The following PRKACB variants were observed in gnomAD, a reference collection of about 807,000 sequenced individuals.
The protein encoded by PRKACB is cAMP-dependent protein kinase catalytic subunit beta.
A neutral mutation model predicts 51.4 loss-of-function variants in PRKACB; 16 were observed. The observed-to-expected ratio is 0.31, with a 90% confidence interval of 0.21 to 0.47. The LOEUF is 0.47. PRKACB is among the 20% of genes least tolerant of loss of function. The pLI is 1.00. For synonymous variants in PRKACB, 147 were observed against 154.4 expected (o/e 0.95, Z 0.35); for missense variants, 309 against 464.5 (o/e 0.67, Z 3.08).
chr1:84,205,147 G>A, intron 8 of PRKACB: 1 of 982,446 alleles, frequency 1.0e-6, no homozygotes, highest in African/African-American at 1.7e-5. Context: ...CTCCCCATGT[G>A]GGATATAAAA....
Position 84,235,545 on chromosome 1 carries a change from T to G in PRKACB, c.*240T>G, listed in dbSNP as rs561017694. ...ACTAGACCACTTTCTTACTTCTCTT[T>G]GGGTTGTCTTTCTCCTCTCCTATAT... On this transcript the variant is annotated 3_prime_UTR_variant, in exon 10 of 10. Coordinates refer to ENST00000370685, the MANE Select transcript of PRKACB (RefSeq NM_182948.4). 2.4e-6 allele frequency: 1 copy of G among 416,244 alleles called. No homozygotes were observed. The highest frequency in any genetic ancestry group is 4.3e-6 in the Non-Finnish European group (1 of 234,596). The allele number at this position is 416,244 out of a possible 1,614,324, so 25.8% of individuals were successfully genotyped here.
At chr1:84,100,167 G>A (rs566478898) in intron 1 of PRKACB, among the ~76,000 whole-genome samples, 3 of 152,280 alleles carry the variant, frequency 2.0e-5, no homozygotes, top group Non-Finnish European at 2.9e-5. Context: ...AGGAGAGAGT[G>A]TGAGCACATG....
intron 1 of PRKACB, among the ~76,000 whole-genome samples, chr1:84,160,400 G>A (rs1656032160): frequency 6.6e-6 from 1 of 151,088 alleles, no homozygotes; most frequent in South Asian, 2.1e-4. Context: ...TGATATCATA[G>A]TTTCATTACT....
At chr1:84,221,689 G>A (rs764378170) in intron 9 of PRKACB, among the ~76,000 whole-genome samples, 25 of 151,976 alleles carry the variant, frequency 1.6e-4, no homozygotes, top group African/African-American at 5.8e-4. Context: ...TAGCCCAATA[G>A]TCATTCGGGA....
chr1:84,156,610 C>T (rs75752711), intron 1 of PRKACB, among the ~76,000 whole-genome samples: 5,774 of 152,232 alleles, frequency 0.038, 146 homozygotes, highest in Middle Eastern at 0.088. Flanking sequence ...TTCTTGAAAT[C>T]TAGTCCAGGG....
chr1:84,153,622 G>A (rs140820281), intron 1 of PRKACB, among the ~76,000 whole-genome samples: 2 of 152,140 alleles, frequency 1.3e-5, no homozygotes, highest in African/African-American at 4.8e-5. Context: ...CTACTTCTGC[G>A]ATTTTGATGT....
intron 5 of PRKACB, among the ~76,000 whole-genome samples, chr1:84,193,300 T>C (rs928316707): frequency 6.6e-6 from 1 of 152,132 alleles, no homozygotes; most frequent in East Asian, 1.9e-4. Flanking sequence ...ATGGGGGTAC[T>C]TCATGCTGTA....
At chr1:84,150,866 A>G (rs549902358) in intron 1 of PRKACB, among the ~76,000 whole-genome samples, 2 of 152,320 alleles carry the variant, frequency 1.3e-5, no homozygotes, top group East Asian at 1.9e-4. Context: ...TGTGAAAAAT[A>G]TGGATTTGAG....
chr1:84,147,525 A>G (rs1460226217), intron 1 of PRKACB, among the ~76,000 whole-genome samples: 1 of 152,000 alleles, frequency 6.6e-6, no homozygotes. Context: ...AGTATTTACT[A>G]TATCATAGTA....
At chr1:84,174,793 AGTT>A (rs1373196081) in intron 1 of PRKACB, among the ~76,000 whole-genome samples, 1 of 151,806 alleles carries the variant, frequency 6.6e-6, no homozygotes, top group East Asian at 1.9e-4. Context: ...AGTTTTTGTT[AGTT>A]GTTGTTTTAA....
intron 1 of PRKACB, chr1:84,178,707 A>G (rs981130108): frequency 6.6e-6 from 1 of 152,246 alleles, no homozygotes; most frequent in Non-Finnish European, 1.5e-5. Flanking sequence ...CACAAATCTA[A>G]TACATAACAT....
intron 9 of PRKACB, among the ~76,000 whole-genome samples, chr1:84,233,325 T>C (rs1223764607): frequency 7.9e-5 from 12 of 151,174 alleles, no homozygotes; most frequent in Non-Finnish European, 1.8e-4. Flanking sequence ...AACCTGACCT[T>C]TCTCTCTGGC....
chr1:84,078,175 C>G (rs1647238862), exon 1 of PRKACB: 1 of 806,062 alleles, frequency 1.2e-6, no homozygotes, highest in South Asian at 2.0e-5. Context: ...AGACCCGGCC[C>G]GGTCTTCGCG....
intron 8 of PRKACB, among the ~76,000 whole-genome samples, chr1:84,209,211 A>G (rs984970581): frequency 2.0e-5 from 3 of 152,134 alleles, no homozygotes; most frequent in Non-Finnish European, 2.9e-5. Flanking sequence ...ATCCAGTCTC[A>G]TGACTCAGGA....
At chr1:84,092,961 TAG>T (rs1398767448) in intron 1 of PRKACB, among the ~76,000 whole-genome samples, 1 of 152,008 alleles carries the variant, frequency 6.6e-6, no homozygotes, top group African/African-American at 2.4e-5. Context: ...AATTGATTTG[TAG>T]AGTTATTTAA....
chr1:84,134,358 C>T (rs1652576426), intron 1 of PRKACB, among the ~76,000 whole-genome samples: 1 of 152,116 alleles, frequency 6.6e-6, no homozygotes, highest in Non-Finnish European at 1.5e-5. Context: ...GGGGACCCTG[C>T]CCTTTTCTGC....
chr1:84,185,075 G>GT (rs1449346487), intron 4 of PRKACB, 25 bp from the exon 5 acceptor site: 1 of 1,351,590 alleles, frequency 7.4e-7, no homozygotes, highest in East Asian at 2.7e-5. Context: ...TTGAATAATT[G>GT]TATTTCCTTT....
intron 5 of PRKACB, among the ~76,000 whole-genome samples, chr1:84,191,988 A>G (rs1045760159): frequency 1.3e-5 from 2 of 152,180 alleles, no homozygotes; most frequent in African/African-American, 2.4e-5. Context: ...TTATATAGAC[A>G]CAGCATACAA....
At chr1:84,105,377 T>G (rs1040511954) in intron 1 of PRKACB, among the ~76,000 whole-genome samples, 2 of 152,126 alleles carry the variant, frequency 1.3e-5, no homozygotes, top group Non-Finnish European at 2.9e-5. Context: ...GCACCACGAC[T>G]TTTGACCTAG....
Sources: allele counts gnomAD v4.1 joint callset (sites outside exome capture counted in the v4.1 genomes callset), GRCh38; gene constraint gnomAD v4.1.1; transcripts MANE v1.5; gene names NCBI Gene and HGNC (gene_info 2026-07-23, HGNC 2026-07-21).